DCAF8L2: variants seen among roughly 807,000 people sequenced by gnomAD.
DCAF8L2 encodes the protein DDB1 and CUL4 associated factor 8 like 2.
For missense variants in DCAF8L2, 430 were observed against 490.7 expected (o/e 0.88, Z 1.17); for synonymous variants, 200 against 190.9 (o/e 1.05, Z -0.39).
intron 3 of DCAF8L2, among the ~76,000 whole-genome samples, chrX:27,694,736 A>G (rs919421623): frequency 1.8e-5 from 2 of 112,074 alleles, no homozygotes; most frequent in African/African-American, 3.2e-5. Flanking sequence ...TTTTAAAATA[A>G]TATTCATAGA....
chrX:27,686,685 AC>A (rs1273558488), intron 3 of DCAF8L2, among the ~76,000 whole-genome samples: 1 of 111,885 alleles, frequency 8.9e-6, no homozygotes, highest in Non-Finnish European at 1.9e-5. Context: ...ATAGTTAATG[AC>A]AATGTATTGT....
intron 1 of DCAF8L2, among the ~76,000 whole-genome samples, chrX:27,623,142 C>G (rs113652003): frequency 0.091 from 10,114 of 111,144 alleles, 730 homozygotes; most frequent in African/African-American, 0.25. Context: ...ATACAGTCTA[C>G]ATTTCACACC....
At chrX:27,695,912 G>A (rs1250387541) in intron 3 of DCAF8L2, among the ~76,000 whole-genome samples, 1 of 110,019 alleles carries the variant, frequency 9.1e-6, no homozygotes, top group Non-Finnish European at 1.9e-5. Flanking sequence ...ATTTAAATGG[G>A]GCTAGGCGTG....
At chrX:27,502,355 T>A in the DCAF8L2 span, among the ~76,000 whole-genome samples, 249 of 60,423 alleles carry the variant, frequency 4.1e-3, 9 homozygotes, top group African/African-American at 9.0e-3. Flanking sequence ...TATATATATA[T>A]ATATATATAT....
chrX:27,695,334 T>C (rs762611103), intron 3 of DCAF8L2, among the ~76,000 whole-genome samples: 10 of 112,581 alleles, frequency 8.9e-5, no homozygotes, highest in African/African-American at 2.9e-4. Flanking sequence ...AGAGCAACTT[T>C]ACTTGCCAAT....
chrX:27,502,311 A>C, the DCAF8L2 span, among the ~76,000 whole-genome samples: 2 of 54,913 alleles, frequency 3.6e-5, no homozygotes, highest in African/African-American at 1.4e-4. Flanking sequence ...ACAGAGTGAA[A>C]CTCTGTAAAA....
rs1932013445 is a variant in DCAF8L2 at position 27,724,721 on chromosome X, A to T, written c.-59+8550A>T. On this transcript the variant is annotated intron_variant, in intron 4 of 4. Coordinates refer to ENST00000451261, the MANE Select transcript of DCAF8L2 (RefSeq NM_001353450.2). ...TCAATTCTTCACAGCTACAGAATCA[A>T]TTCTCCAAGTAACAGATTTATATTC... Among the ~76,000 whole-genome samples the T allele has an allele frequency of 3.6e-5, 4 of 111,459 alleles. No homozygotes were observed. The South Asian group carries it at 1.1e-3, about 30-fold the overall frequency.
the DCAF8L2 span, among the ~76,000 whole-genome samples, chrX:27,542,869 T>G: frequency 4.5e-5 from 5 of 111,433 alleles, no homozygotes; most frequent in Non-Finnish European, 9.4e-5. Flanking sequence ...AAATTCCTTA[T>G]AGATTCTGGA....
At chrX:27,623,247 G>C (rs1418193825) in intron 1 of DCAF8L2, among the ~76,000 whole-genome samples, 1 of 110,811 alleles carries the variant, frequency 9.0e-6, no homozygotes, top group Non-Finnish European at 1.9e-5. Flanking sequence ...CTGCCCTTCA[G>C]GGGAAAAAAA....
chrX:27,575,012 A>G, the DCAF8L2 span, among the ~76,000 whole-genome samples: 1 of 111,615 alleles, frequency 9.0e-6, no homozygotes, highest in Non-Finnish European at 1.9e-5. Flanking sequence ...GATGAATCGG[A>G]TCACGCGTGG....
chrX:27,523,462 A>G, the DCAF8L2 span, among the ~76,000 whole-genome samples: 1 of 106,494 alleles, frequency 9.4e-6, no homozygotes, highest in Non-Finnish European at 1.9e-5. Context: ...CAATGGGTTA[A>G]TTATCCAAAG....
chrX:27,570,862 T>C, the DCAF8L2 span, among the ~76,000 whole-genome samples: 1 of 112,072 alleles, frequency 8.9e-6, no homozygotes, highest in Non-Finnish European at 1.9e-5. Context: ...GTATGTATTA[T>C]CCTCCCTCTC....
At chrX:27,510,874 T>C in the DCAF8L2 span, among the ~76,000 whole-genome samples, 15 of 111,680 alleles carry the variant, frequency 1.3e-4, no homozygotes, top group East Asian at 3.4e-3. Context: ...GGCAAGTGGT[T>C]CATAGAATAT....
chrX:27,590,627 A>T (rs975606477), intron 1 of DCAF8L2, among the ~76,000 whole-genome samples, 187 bp downstream of exon 1: 7 of 110,892 alleles, frequency 6.3e-5, no homozygotes, highest in Non-Finnish European at 1.3e-4. Flanking sequence ...TGCCTGGGGC[A>T]CAATATGAGA....
At chrX:27,686,236 T>C (rs1210791452) in intron 3 of DCAF8L2, among the ~76,000 whole-genome samples, 2 of 111,145 alleles carry the variant, frequency 1.8e-5, no homozygotes, top group African/African-American at 6.6e-5. Flanking sequence ...CTACTAGTTA[T>C]ATATCCAAAA....
chrX:27,501,246 C>T, the DCAF8L2 span, among the ~76,000 whole-genome samples: 1 of 104,757 alleles, frequency 9.5e-6, no homozygotes, highest in East Asian at 3.1e-4. Flanking sequence ...CCCCCTCCTC[C>T]TCCCCCTCTT....
chrX:27,574,931 C>CT, the DCAF8L2 span, among the ~76,000 whole-genome samples: 1 of 111,716 alleles, frequency 9.0e-6, no homozygotes, highest in East Asian at 2.8e-4. Flanking sequence ...TTAAGCAGCT[C>CT]AGTTAGACCC....
intron 2 of DCAF8L2, among the ~76,000 whole-genome samples, chrX:27,669,412 T>C (rs1330215587): frequency 9.1e-6 from 1 of 110,311 alleles, no homozygotes; most frequent in Non-Finnish European, 1.9e-5. Context: ...ACTTACCCAG[T>C]TTTGGTTAGT....
intron 2 of DCAF8L2, among the ~76,000 whole-genome samples, chrX:27,649,189 T>G (rs1197791580): frequency 7.7e-4 from 86 of 112,256 alleles, no homozygotes; most frequent in Non-Finnish European, 1.3e-4. Flanking sequence ...CACATTTTCT[T>G]TATCCAATCC....
Sources: allele counts gnomAD v4.1 joint callset (sites outside exome capture counted in the v4.1 genomes callset), GRCh38; gene constraint gnomAD v4.1.1; transcripts MANE v1.5; gene names NCBI Gene and HGNC (gene_info 2026-07-23, HGNC 2026-07-21).